ERMP1: variants seen among roughly 807,000 people sequenced by gnomAD.
ERMP1 encodes endoplasmic reticulum metallopeptidase 1.
ERMP1 carries 86 observed loss-of-function variants against 92.0 expected under a neutral mutation model. That is an observed-to-expected ratio of 0.93 (90% confidence interval 0.79 to 1.12). The LOEUF (loss-of-function observed/expected upper bound fraction) is 1.12, where lower values mean the gene tolerates loss of function less well. Ranked by LOEUF, ERMP1 falls within the 50% of genes most tolerant of loss-of-function variation. ERMP1 has a pLI of 0.00. For missense variants in ERMP1, 1,342 were observed against 1,116.3 expected (o/e 1.20, Z -2.88); for synonymous variants, 530 against 412.8 (o/e 1.28, Z -3.44).
chr9:5,787,148 A>C lies in ERMP1; in HGVS notation c.2711T>G (p.Phe904Cys). ...AWVCTYDLFV[F>C] ...ACTTAGAGCTCATCCACAAGATTAA[A>C]ATACAAAGAGATCGTAGGTGCACAC... Residue 904 changes from phenylalanine to cysteine, a missense_variant, in exon 15 of 15, where the codon TTT becomes TGT. Transcript: ENST00000339450. 1 of 1,612,624 alleles carries C rather than the reference A, an allele frequency of 6.2e-7. No homozygotes were observed.
chr9:5,799,608 A>G (rs1029517972), intron 11 of ERMP1, among the ~76,000 whole-genome samples: 8 of 152,124 alleles, frequency 5.3e-5, no homozygotes, highest in Non-Finnish European at 1.2e-4. Context: ...CTGTTTTTAT[A>G]TACGAACCAT....
At chr9:5,857,552 G>C (rs920364056) in intron 6 of ERMP1, among the ~76,000 whole-genome samples, 2 of 152,162 alleles carry the variant, frequency 1.3e-5, no homozygotes, top group African/African-American at 4.8e-5. Flanking sequence ...ACTATACCTA[G>C]ACTTCACTCT....
At chr9:5,842,434 C>CAAAAAAAAAAAAAAAAAAA (rs57411750) in intron 6 of ERMP1, among the ~76,000 whole-genome samples, 20 of 107,844 alleles carry the variant, frequency 1.9e-4, no homozygotes, top group East Asian at 3.1e-4. Flanking sequence ...GAGACTGTCT[C>CAAAAAAAAAAAAAAAAAAA]AAAAAAAAAA....
upstream of ERMP1, among the ~76,000 whole-genome samples, chr9:5,835,357 C>T (rs898663612): frequency 6.7e-6 from 1 of 150,308 alleles, no homozygotes. Flanking sequence ...TGAACGCGCG[C>T]GCGCATGTGT....
intron 6 of ERMP1, among the ~76,000 whole-genome samples, chr9:5,854,101 G>C (rs1444659212): frequency 6.6e-6 from 1 of 151,810 alleles, no homozygotes; most frequent in Non-Finnish European, 1.5e-5. Flanking sequence ...TAAAAGAAAG[G>C]GGTTTGGGCT....
chr9:5,847,407 T>A (rs1031604688), intron 6 of ERMP1, among the ~76,000 whole-genome samples: 24 of 152,066 alleles, frequency 1.6e-4, no homozygotes, highest in African/African-American at 5.5e-4. Flanking sequence ...CCCAGCTAAT[T>A]TTTGTATTTT....
chr9:5,850,303 G>C (rs1353810094), intron 6 of ERMP1, among the ~76,000 whole-genome samples: 1 of 147,938 alleles, frequency 6.8e-6, no homozygotes, highest in African/African-American at 2.5e-5. Flanking sequence ...TACTTTGGAG[G>C]CTGAGGCAGG....
At position 5,787,445 on chromosome 9, in the gene ERMP1, G is replaced by A; in HGVS notation, c.2535C>T (p.Phe845=). The A allele has an allele frequency of 1.2e-6, 2 of 1,613,268 alleles. No individual in the cohort carries two copies. The highest frequency in any genetic ancestry group is 1.7e-6 in the Non-Finnish European group (2 of 1,179,798). ...AAATTGGCACCTGCACTTCTATCCA[G>A]AACTGCCATGCAGAGGCCTGGAGTC... ...SHGLQASAWQ[F]WIEVQVSEEH... The change falls in exon 14 of 15, where the codon TTC becomes TTT. Residue 845 remains phenylalanine, a synonymous_variant. Transcript: ENST00000339450.
intron 1 of ERMP1, among the ~76,000 whole-genome samples, chr9:5,831,583 G>A (rs943102962): frequency 1.3e-5 from 2 of 152,150 alleles, no homozygotes; most frequent in African/African-American, 4.8e-5. Flanking sequence ...TCCAGCCTGG[G>A]CGACAGAGCC....
chr9:5,802,915 G>A (rs1471039609), intron 10 of ERMP1, among the ~76,000 whole-genome samples: 1 of 152,072 alleles, frequency 6.6e-6, no homozygotes, highest in Non-Finnish European at 1.5e-5. Flanking sequence ...GACACAGGAT[G>A]CAATATTTCA....
intron 5 of ERMP1, among the ~76,000 whole-genome samples, chr9:5,859,694 C>A (rs2129777435): frequency 6.6e-6 from 1 of 152,288 alleles, no homozygotes; most frequent in East Asian, 1.9e-4. Context: ...ATTTCAAAGC[C>A]TTAAGTTGTT....
intron 11 of ERMP1, among the ~76,000 whole-genome samples, chr9:5,800,750 A>G (rs538106837): frequency 6.6e-6 from 1 of 152,348 alleles, no homozygotes; most frequent in South Asian, 2.1e-4. Context: ...TCACTATCAC[A>G]TATCACTTTG....
At chr9:5,841,346 C>T (rs1252637291) in intron 6 of ERMP1, among the ~76,000 whole-genome samples, 1 of 152,206 alleles carries the variant, frequency 6.6e-6, no homozygotes, top group Non-Finnish European at 1.5e-5. Flanking sequence ...AGACACCAGA[C>T]ACAGCAGGTC....
intron 10 of ERMP1, among the ~76,000 whole-genome samples, chr9:5,801,798 ACT>A (rs143001038): frequency 0.025 from 3,782 of 152,292 alleles, 57 homozygotes; most frequent in South Asian, 0.037. Context: ...TACCTTCAAG[ACT>A]CTGCCAGTGG....
upstream of ERMP1, among the ~76,000 whole-genome samples, chr9:5,833,966 G>C (rs1489521729): frequency 6.6e-6 from 1 of 152,080 alleles, no homozygotes; most frequent in African/African-American, 2.4e-5. Flanking sequence ...AAGGTTTTTT[G>C]TCCCTAGCTT....
chr9:5,860,966 C>T lies in ERMP1; in HGVS notation n.3056-1355G>A, dbSNP rs975484201. On this transcript the variant is annotated intron_variant and non_coding_transcript_variant, in intron 5 of 6. Coordinates refer to the ERMP1 transcript ENST00000690753. ...TGTGATAATGTAGCAAGAAGGCCCT[C>T]ACCAGATGCCAGCACCTTGATATTG... is the stretch of plus-strand genomic sequence containing the variant. Among the ~76,000 whole-genome samples the T allele has an allele frequency of 4.6e-5, 7 of 152,190 alleles. No homozygotes were observed. The East Asian group carries it at 1.3e-3, about 29-fold the overall frequency.
At chr9:5,864,730 G>A (rs374009252) in intron 5 of ERMP1, among the ~76,000 whole-genome samples, 3 of 152,180 alleles carry the variant, frequency 2.0e-5, no homozygotes, top group South Asian at 2.1e-4. Context: ...CTGGACAGGA[G>A]GCTTGTATTT....
intron 6 of ERMP1, among the ~76,000 whole-genome samples, chr9:5,845,777 C>A (rs929957383): frequency 6.6e-6 from 1 of 152,090 alleles, no homozygotes; most frequent in Admixed American, 6.5e-5. Context: ...GCTAAGGGCT[C>A]TTTGGGTATT....
chr9:5,860,420 A>C (rs1039995904), intron 5 of ERMP1, among the ~76,000 whole-genome samples: 3 of 152,082 alleles, frequency 2.0e-5, no homozygotes, highest in African/African-American at 7.2e-5. Flanking sequence ...ATTCATCTTT[A>C]TGTCTCCAGT....
Sources: allele counts gnomAD v4.1 joint callset (sites outside exome capture counted in the v4.1 genomes callset), GRCh38; gene constraint gnomAD v4.1.1; transcripts MANE v1.5; gene names NCBI Gene and HGNC (gene_info 2026-07-23, HGNC 2026-07-21).